Variants in NEDD4 observed in about 807,000 individuals in gnomAD.
NEDD4 encodes the protein E3 ubiquitin-protein ligase NEDD4.
NEDD4 carries 99 observed loss-of-function variants against 144.9 expected under a neutral mutation model. That is an observed-to-expected ratio of 0.68 (90% CI 0.58 to 0.81). NEDD4 has a LOEUF of 0.81. NEDD4 is among the 30% of genes least tolerant of loss of function. The pLI is 0.00. For missense variants in NEDD4, 985 were observed against 1,065.9 expected (o/e 0.92, Z 1.06); for synonymous variants, 318 against 350.6 (o/e 0.91, Z 1.04).
intron 5 of NEDD4, among the ~76,000 whole-genome samples, chr15:55,907,165 A>G (rs1289762309): frequency 6.6e-6 from 1 of 152,060 alleles, no homozygotes; most frequent in Non-Finnish European, 1.5e-5. Flanking sequence ...CTTGGAAGAA[A>G]TCTTCCAAGA....
At position 55,966,525 on chromosome 15, in the gene NEDD4, C is replaced by G. The variant is rs765922680; in HGVS notation, c.67G>C (p.Val23Leu). The change falls in exon 2 of 29, where the codon GTA becomes CTA. Residue 23 changes from valine to leucine, a missense_variant. Transcript: ENST00000435532. Reference sequence around the variant, plus strand: ...AGGCCTATTCCGGCTATAACTCTTACTCTCACAATTCGTGAATTTTCCTAA... The same window carrying G: ...AGGCCTATTCCGGCTATAACTCTTAGTCTCACAATTCGTGAATTTTCCTAA... ...EDEENSRIVRVRVIAGIGLAK... is the reference protein window; with the variant it reads ...EDEENSRIVRLRVIAGIGLAK... The G allele has an allele frequency of 9.2e-6, 14 of 1,527,970 alleles. No homozygotes were observed. Among genetic ancestry groups the G allele is most frequent in the Non-Finnish European group, 6.2e-6 (7 of 1,137,292 alleles). The allele number at this position is 1,527,970 out of a possible 1,614,324, so 94.7% of individuals were successfully genotyped here. A position where few individuals can be genotyped will look rare whatever the true frequency, so the allele number is the denominator to read the frequency against.
At chr15:55,903,839 A>AAT (rs1555401926) in intron 5 of NEDD4, among the ~76,000 whole-genome samples, 1 of 106,206 alleles carries the variant, frequency 9.4e-6, no homozygotes, top group Non-Finnish European at 1.8e-5. Flanking sequence ...AAAAAAAAAA[A>AAT]ACACACATAT....
intron 5 of NEDD4, among the ~76,000 whole-genome samples, chr15:55,900,954 T>G (rs2035897024): frequency 6.6e-6 from 1 of 152,190 alleles, no homozygotes; most frequent in South Asian, 2.1e-4. Flanking sequence ...CAAGTTATAA[T>G]AGTGGTTTTT....
rs115924533 is a variant in NEDD4, at chr15:55,978,705, G to C, written c.46-12159C>G. 9.1e-3 allele frequency among the ~76,000 whole-genome samples: 1,380 copies of C among 152,258 alleles called. 9 individuals are homozygous for C. The highest frequency in any genetic ancestry group is 0.03 in the African/African-American group (1,232 of 41,556). ...CCTCTTCCAAACTCATGAGTAAAGAGAGCTTTATTGTTTTTTGAAAATAAA... is the reference window on the plus strand; with the variant it reads ...CCTCTTCCAAACTCATGAGTAAAGACAGCTTTATTGTTTTTTGAAAATAAA... On this transcript the variant is annotated intron_variant, in intron 1 of 28. Coordinates refer to ENST00000435532, the MANE Select transcript of NEDD4 (RefSeq NM_006154.4).
intron 5 of NEDD4, among the ~76,000 whole-genome samples, chr15:55,923,645 C>CA (rs767874914): frequency 0.03 from 3,728 of 123,272 alleles, 123 homozygotes; most frequent in East Asian, 0.17. Flanking sequence ...GACTCCATCT[C>CA]AAAAAAAAAA....
chr15:55,919,115 C>G (rs1429574202), intron 5 of NEDD4, among the ~76,000 whole-genome samples: 2 of 152,152 alleles, frequency 1.3e-5, no homozygotes, highest in Non-Finnish European at 2.9e-5. Context: ...TCCATGTCCC[C>G]TAACTAGATT....
intron 5 of NEDD4, among the ~76,000 whole-genome samples, chr15:55,891,809 A>G (rs1042958045): frequency 6.6e-6 from 1 of 152,178 alleles, no homozygotes; most frequent in Non-Finnish European, 1.5e-5. Flanking sequence ...AGATGCTCTA[A>G]TTTTAGGAGG....
intron 4 of NEDD4, among the ~76,000 whole-genome samples, chr15:55,929,905 G>C (rs1005067808): frequency 6.6e-6 from 1 of 151,296 alleles, no homozygotes; most frequent in African/African-American, 2.4e-5. Flanking sequence ...AAGGGAACTG[G>C]AAAACAAAAA....
At chr15:55,920,741 G>A (rs1385617569) in intron 5 of NEDD4, among the ~76,000 whole-genome samples, 4 of 152,096 alleles carry the variant, frequency 2.6e-5, no homozygotes, top group Non-Finnish European at 4.4e-5. Flanking sequence ...GAATAAAGAC[G>A]GAATGACATT....
chr15:55,966,494 T>G lies in NEDD4; in HGVS notation c.98A>C (p.Lys33Thr). The change falls in exon 2 of 29, where the codon AAG becomes ACG. Residue 33 changes from lysine to threonine, a missense_variant. By Grantham distance (78) the Lys-to-Thr change is moderately conservative. Coordinates refer to ENST00000435532, the MANE Select transcript of NEDD4 (RefSeq NM_006154.4). The part of the protein sequence containing the change: ...VRVIAGIGLA[K>T]KDILGASDPY... The stretch of plus-strand genomic sequence containing the variant: ...TTACCTAGCTCCCAATATATCCTTC[T>G]TGGCAAGGCCTATTCCGGCTATAAC... The G allele has an allele frequency of 6.5e-7, 1 of 1,535,422 alleles. No individual in the cohort carries two copies. Among genetic ancestry groups the G allele is most frequent in the Non-Finnish European group, 8.8e-7 (1 of 1,140,980 alleles).
intron 5 of NEDD4, among the ~76,000 whole-genome samples, chr15:55,923,161 G>T (rs1291967353): frequency 6.6e-6 from 1 of 151,952 alleles, no homozygotes; most frequent in Non-Finnish European, 1.5e-5. Context: ...TCCAGCCTAG[G>T]CAACAGAGTG....
At chr15:55,981,880 C>T (rs563184943) in intron 1 of NEDD4, among the ~76,000 whole-genome samples, 93 of 152,270 alleles carry the variant, frequency 6.1e-4, no homozygotes, top group African/African-American at 2.1e-3. Flanking sequence ...CTGCAGTTAA[C>T]GTGGTTATGG....
At chr15:55,960,627 T>C (rs1415329274) in intron 2 of NEDD4, among the ~76,000 whole-genome samples, 1 of 152,156 alleles carries the variant, frequency 6.6e-6, no homozygotes, top group Non-Finnish European at 1.5e-5. Flanking sequence ...CACTTTGTGA[T>C]CATGTGAGTC....
At chr15:55,914,659 G>A (rs1329537981) in intron 5 of NEDD4, among the ~76,000 whole-genome samples, 2 of 151,530 alleles carry the variant, frequency 1.3e-5, no homozygotes, top group Non-Finnish European at 3.0e-5. Flanking sequence ...TGTGGTTAAG[G>A]GTATATACAA....
chr15:55,956,023 A>G (rs140828914), intron 2 of NEDD4, among the ~76,000 whole-genome samples: 2 of 152,108 alleles, frequency 1.3e-5, no homozygotes, highest in Admixed American at 6.5e-5. Context: ...TCTTATCACC[A>G]GGCTGGTCTC....
At chr15:55,942,813 G>A (rs1011000634) in intron 4 of NEDD4, among the ~76,000 whole-genome samples, 2 of 152,220 alleles carry the variant, frequency 1.3e-5, no homozygotes, top group African/African-American at 4.8e-5. Flanking sequence ...GGTTGAAACA[G>A]TTTGGAGAGA....
chr15:55,883,716 C>T (rs1476015697), intron 5 of NEDD4, among the ~76,000 whole-genome samples: 5 of 151,282 alleles, frequency 3.3e-5, no homozygotes, highest in Admixed American at 6.6e-5. Context: ...CACACACACA[C>T]ACACACACAC....
chr15:55,971,502 G>C (rs1382256075), intron 1 of NEDD4, among the ~76,000 whole-genome samples: 1 of 151,922 alleles, frequency 6.6e-6, no homozygotes, highest in Non-Finnish European at 1.5e-5. Flanking sequence ...GCGTGCACCT[G>C]TAATCCCAGC....
intron 2 of NEDD4, among the ~76,000 whole-genome samples, chr15:55,957,629 C>T (rs935728653): frequency 6.6e-6 from 1 of 152,150 alleles, no homozygotes; most frequent in Admixed American, 6.5e-5. Context: ...TGGGTATATA[C>T]CCAAAGGATT....
Sources: gnomAD v4.1 joint callset for allele counts (sites outside exome capture counted in the v4.1 genomes callset) on GRCh38, gnomAD v4.1.1 for gene constraint, MANE v1.5 for transcripts, NCBI Gene and HGNC (gene_info 2026-07-23, HGNC 2026-07-21) for gene names.